The following RAB3GAP2 variants were observed in gnomAD, a reference collection of about 807,000 sequenced individuals.
RAB3GAP2 encodes the protein RAB3 GTPase activating non-catalytic protein subunit 2, also known as rab3 GTPase-activating protein non-catalytic subunit.
Under a neutral mutation model 185.3 loss-of-function variants are expected in RAB3GAP2, and 87 were observed. The observed-to-expected ratio is 0.47, with a 90% CI of 0.39 to 0.56. The LOEUF (loss-of-function observed/expected upper bound fraction) is 0.56. Ranked by LOEUF, RAB3GAP2 falls within the 20% of genes least tolerant of loss-of-function variation. The pLI is 0.00. For missense variants in RAB3GAP2, 1,492 were observed against 1,638.2 expected (o/e 0.91, Z 1.54); for synonymous variants, 554 against 576.1 (o/e 0.96, Z 0.55).
chr1:220,193,441 A>G, intron 12 of RAB3GAP2, 62 bp from the exon 13 acceptor site: 3 of 1,502,318 alleles, frequency 2.0e-6, no homozygotes, highest in Non-Finnish European at 2.7e-6. Context: ...ATATAACAGA[A>G]TAACGAAATG....
At chr1:220,205,879 G>T in intron 8 of RAB3GAP2, 28 bp downstream of exon 8, 1 of 1,423,376 alleles carries the variant, frequency 7.0e-7, no homozygotes, top group South Asian at 1.2e-5. Context: ...CATTAACAGA[G>T]GTTAAATATT....
At chr1:220,261,071 A>T (rs1458320970) in intron 1 of RAB3GAP2, among the ~76,000 whole-genome samples, 1 of 151,406 alleles carries the variant, frequency 6.6e-6, no homozygotes, top group Non-Finnish European at 1.5e-5. Context: ...TACATACTTT[A>T]AAAAAAAGGG....
intron 22 of RAB3GAP2, among the ~76,000 whole-genome samples, chr1:220,172,268 T>C (rs1658192952): frequency 1.3e-5 from 2 of 152,226 alleles, no homozygotes. Flanking sequence ...ATATAAATCC[T>C]TATTTGGAAT....
intron 1 of RAB3GAP2, among the ~76,000 whole-genome samples, chr1:220,262,989 G>T (rs1660169140): frequency 6.7e-6 from 1 of 149,848 alleles, no homozygotes; most frequent in African/African-American, 2.5e-5. Context: ...TTTTATAGTA[G>T]CCATTTCTAA....
chr1:220,263,610 G>T (rs887869081), intron 1 of RAB3GAP2, among the ~76,000 whole-genome samples: 2 of 152,026 alleles, frequency 1.3e-5, no homozygotes, highest in Non-Finnish European at 2.9e-5. Context: ...GTATGTGAGG[G>T]TTTACTTATC....
chr1:220,180,052 C>T (rs1477703389), intron 21 of RAB3GAP2, among the ~76,000 whole-genome samples: 1 of 152,114 alleles, frequency 6.6e-6, no homozygotes, highest in African/African-American at 2.4e-5. Context: ...GTCCCAGCTA[C>T]TCAGGAGGCT....
At chr1:220,164,481 T>G (rs890549659) in intron 27 of RAB3GAP2, among the ~76,000 whole-genome samples, 1 of 147,852 alleles carries the variant, frequency 6.8e-6, no homozygotes, top group African/African-American at 2.5e-5. Context: ...TTGTTTTTTT[T>G]TTTTTTTTTT....
intron 1 of RAB3GAP2, chr1:220,267,051 G>C: frequency 6.2e-7 from 1 of 1,609,906 alleles, no homozygotes; most frequent in Admixed American, 1.7e-5. Flanking sequence ...GGGTGCCACA[G>C]AGAGTGGTCC....
In RAB3GAP2 at chr1:220,158,385, C is replaced by T. The variant is rs1019408593; in HGVS notation, c.3262-509G>A. On this transcript the variant is annotated intron_variant, in intron 29 of 34. Transcript: ENST00000358951. This position sits in a 1 kb window ranked among gnomAD's most constrained non-coding sequence, Gnocchi z 4.3. ...CCAGATTGATGCTGTGAGCAACAGA[C>T]GATTCTCAATGACTCCTTTAAAGGG... Among the ~76,000 whole-genome samples the T allele has an allele frequency of 3.9e-5, 6 of 151,946 alleles. No homozygotes were observed. The highest frequency in any genetic ancestry group is 1.2e-4 in the African/African-American group (5 of 41,392).
chr1:220,258,449 G>A (rs1660074634), intron 1 of RAB3GAP2, among the ~76,000 whole-genome samples: 1 of 152,126 alleles, frequency 6.6e-6, no homozygotes, highest in South Asian at 2.1e-4. Flanking sequence ...ATCAATAAAT[G>A]TGATTTATCA....
intron 1 of RAB3GAP2, among the ~76,000 whole-genome samples, chr1:220,239,060 G>C (rs1246709329): frequency 4.6e-5 from 7 of 152,056 alleles, no homozygotes; most frequent in African/African-American, 1.7e-4. Flanking sequence ...CCCCATAAAA[G>C]CAGCTGTATT....
chr1:220,214,616 A>G (rs2102882480), intron 2 of RAB3GAP2, among the ~76,000 whole-genome samples: 1 of 152,202 alleles, frequency 6.6e-6, no homozygotes, highest in South Asian at 2.1e-4. Flanking sequence ...AGAGATAGCT[A>G]GACAGCAAAG....
chr1:220,264,308 T>C (rs1660191922), intron 1 of RAB3GAP2, among the ~76,000 whole-genome samples: 2 of 152,196 alleles, frequency 1.3e-5, no homozygotes, highest in South Asian at 2.1e-4. Context: ...AAATATATCA[T>C]AAATCTTGAT....
chr1:220,190,126 G>A lies in RAB3GAP2; in HGVS notation c.1652C>T (p.Ala551Val). ...TTTCTTCACTAGGTGCATATCCTTGGCTCGTTCACTCTTCTTATCACTAAA... is the reference window on the plus strand; with the variant it reads ...TTTCTTCACTAGGTGCATATCCTTGACTCGTTCACTCTTCTTATCACTAAA... ...LALSDKKSER[A>V]KDMHLVKKLA... The change falls in exon 16 of 35, where the codon GCC becomes GTC. Residue 551 changes from alanine (A) to valine (V), a missense_variant. Physicochemically the swap from Ala to Val is moderately conservative, Grantham distance 64 (BLOSUM62 0). This residue lies in a region of RAB3GAP2 where 681 missense variants were observed against 689.1 expected (regional missense o/e 0.99). Coordinates refer to ENST00000358951, the MANE Select transcript of RAB3GAP2 (RefSeq NM_012414.4). 1 of 1,612,888 alleles carries A rather than the reference G, an allele frequency of 6.2e-7. No individual in the cohort carries two copies. Among genetic ancestry groups the A allele is most frequent in the Non-Finnish European group, 8.5e-7 (1 of 1,179,072 alleles).
rs1219433342 is a variant in RAB3GAP2, at chr1:220,184,089, C to A, written c.1945G>T (p.Val649Phe). The A allele has an allele frequency of 9.4e-6, 15 of 1,603,158 alleles. No homozygotes were observed. In the East Asian group the frequency reaches 3.4e-4, roughly 36 times the overall value. ...AAATCAAGGGAATTTAATTGACTGA[C>A]AGACTCATAGAGTTGCAGCAGTTTT... ...KLKLLQLYESVSQLNSLDFHL... is the reference protein window; with the variant it reads ...KLKLLQLYESFSQLNSLDFHL... Residue 649 changes from valine to phenylalanine, a missense_variant, in exon 19 of 35, where the codon GTC becomes TTC. Coordinates refer to ENST00000358951, the MANE Select transcript of RAB3GAP2 (RefSeq NM_012414.4).
At chr1:220,161,284 G>A (rs1657958968) in intron 28 of RAB3GAP2, among the ~76,000 whole-genome samples, 1 of 152,136 alleles carries the variant, frequency 6.6e-6, no homozygotes, top group Non-Finnish European at 1.5e-5. Flanking sequence ...CTAAAGTTGG[G>A]TCTTGGCTGT....
chr1:220,202,180 T>TA, intron 9 of RAB3GAP2, 96 bp downstream of exon 9: 2 of 1,298,796 alleles, frequency 1.5e-6, no homozygotes, highest in Non-Finnish European at 2.1e-6. Flanking sequence ...ATAATAATAA[T>TA]AAATAAAGAA....
chr1:220,201,243 G>C (rs574485069), intron 9 of RAB3GAP2, among the ~76,000 whole-genome samples: 1 of 151,688 alleles, frequency 6.6e-6, no homozygotes, highest in Non-Finnish European at 1.5e-5. Context: ...ATGGGGTCTC[G>C]CTATATTGCC....
At chr1:220,174,147 G>A (rs1219571468) in intron 21 of RAB3GAP2, among the ~76,000 whole-genome samples, 1 of 151,522 alleles carries the variant, frequency 6.6e-6, no homozygotes, top group African/African-American at 2.4e-5. Flanking sequence ...AATAACATGC[G>A]TATTTTCTCT....
Sources: allele counts gnomAD v4.1 joint callset (sites outside exome capture counted in the v4.1 genomes callset), GRCh38; gene constraint gnomAD v4.1.1; regional missense constraint gnomAD v4.1.1; non-coding constraint Gnocchi (gnomAD v3.1); transcripts MANE v1.5; gene names NCBI Gene and HGNC (gene_info 2026-07-23, HGNC 2026-07-21).